The following R3HCC1L variants were observed in gnomAD, a reference collection of about 807,000 sequenced individuals.
R3HCC1L encodes the protein coiled-coil domain-containing protein R3HCC1L.
A neutral mutation model predicts 59.9 loss-of-function variants in R3HCC1L; 51 were observed. The observed-to-expected ratio is 0.85, with a 90% CI of 0.68 to 1.07. R3HCC1L has a LOEUF of 1.07. Among genes scored for constraint, R3HCC1L ranks in the 50% least tolerant of loss-of-function variants. The probability of loss-of-function intolerance (pLI) is 0.00; values close to 1 mark genes in which losing one functional copy is unlikely to be tolerated. For synonymous variants in R3HCC1L, 322 were observed against 315.2 expected (o/e 1.02, Z -0.23); for missense variants, 965 against 933.0 (o/e 1.03, Z -0.45).
intron 1 of R3HCC1L, among the ~76,000 whole-genome samples, chr10:98,147,073 A>G (rs1845728393): frequency 6.6e-6 from 1 of 152,110 alleles, no homozygotes; most frequent in Non-Finnish European, 1.5e-5. Flanking sequence ...AGCATCTGTT[A>G]TGCCCTGCCT....
chr10:98,158,769 C>A (rs762869876), intron 2 of R3HCC1L, among the ~76,000 whole-genome samples: 4 of 151,888 alleles, frequency 2.6e-5, no homozygotes, highest in Non-Finnish European at 5.9e-5. Context: ...TCTCTAGTTT[C>A]CTTTAATCTG....
At position 98,235,540 on chromosome 10, in the gene R3HCC1L, G is replaced by A. The variant is rs1391213925; in HGVS notation, c.2128+20G>A. 1.3e-6 allele frequency: 2 copies of A among 1,573,442 alleles called. No individual in the cohort carries two copies. Among genetic ancestry groups the A allele is most frequent in the Non-Finnish European group, 1.7e-6 (2 of 1,156,628 alleles). ...ATGCTGGTGAGTCTATAATCTCTGG[G>A]TTTTTTTCTTGCTGATGGTGGTATT... On this transcript the variant is annotated intron_variant, in intron 8 of 9. Transcript: ENST00000298999.
Position 98,217,404 on chromosome 10 carries a change from T to C in R3HCC1L, c.1785+7505T>C, listed in dbSNP as rs116829601. On this transcript the variant is annotated intron_variant, in intron 5 of 9. Transcript: ENST00000298999. ...TGTTTTTATACCAATACCATGCTGT[T>C]TTGGTTACTACAGCTTTACAGTATT... Among the ~76,000 whole-genome samples the C allele has an allele frequency of 5.3e-3, 810 of 152,284 alleles. 6 individuals carry two copies. The highest frequency in any genetic ancestry group is 0.017 in the African/African-American group (726 of 41,568).
intron 5 of R3HCC1L, among the ~76,000 whole-genome samples, chr10:98,227,038 A>G (rs1855745449): frequency 6.6e-6 from 1 of 152,196 alleles, no homozygotes; most frequent in Non-Finnish European, 1.5e-5. Context: ...TTACAGTGGG[A>G]AGAACATTCT....
intron 1 of R3HCC1L, among the ~76,000 whole-genome samples, chr10:98,135,475 TTTGAACTCTAAAGTATG>T (rs1017457678): frequency 2.0e-5 from 3 of 152,220 alleles, no homozygotes; most frequent in Non-Finnish European, 4.4e-5. Flanking sequence ...CTGCGAAAGC[TTTGAACTCTAAAGTATG>T]TTTCGGGTAT....
chr10:98,213,897 A>G (rs1853871224), intron 5 of R3HCC1L, among the ~76,000 whole-genome samples: 1 of 152,144 alleles, frequency 6.6e-6, no homozygotes, highest in Admixed American at 6.6e-5. Flanking sequence ...CTCACTTTCC[A>G]GATGCTGTAT....
intron 1 of R3HCC1L, among the ~76,000 whole-genome samples, chr10:98,146,994 A>T (rs1309586477): frequency 6.6e-6 from 1 of 152,186 alleles, no homozygotes; most frequent in Non-Finnish European, 1.5e-5. Context: ...ACTGTTCCCC[A>T]TAGTGGCTCT....
In R3HCC1L at chr10:98,163,963, G is replaced by A. The variant is rs144782201; in HGVS notation, c.-15+566G>A. ...AAATTTTTTTTTCAAGGAAGATTTA[G>A]TAAGTTGATATGACCTGCTGTTTTG... is the stretch of plus-strand genomic sequence containing the variant. On this transcript the variant is annotated intron_variant, in intron 4 of 9. Coordinates refer to ENST00000298999, the MANE Select transcript of R3HCC1L (RefSeq NM_001351015.2). Among the ~76,000 whole-genome samples, 4 of 152,198 alleles carry A rather than the reference G, an allele frequency of 2.6e-5. No individual in the cohort carries two copies. The East Asian group carries it at 7.7e-4, about 29-fold the overall frequency.
At chr10:98,160,835 T>C (rs1421012637) in intron 2 of R3HCC1L, among the ~76,000 whole-genome samples, 1 of 152,192 alleles carries the variant, frequency 6.6e-6, no homozygotes, top group Non-Finnish European at 1.5e-5. Flanking sequence ...TTCCACCAGT[T>C]ATCCTTCATG....
intron 4 of R3HCC1L, among the ~76,000 whole-genome samples, chr10:98,179,248 G>A (rs1416670206): frequency 4.6e-5 from 7 of 152,120 alleles, no homozygotes; most frequent in Non-Finnish European, 7.4e-5. Flanking sequence ...TCAATACCTA[G>A]TTTATTGAGA....
chr10:98,218,298 A>G (rs1191962979), intron 5 of R3HCC1L, among the ~76,000 whole-genome samples: 1 of 152,052 alleles, frequency 6.6e-6, no homozygotes, highest in Non-Finnish European at 1.5e-5. Flanking sequence ...CTGTTGATCT[A>G]ATGTATCACA....
intron 1 of R3HCC1L, among the ~76,000 whole-genome samples, chr10:98,146,688 C>T: frequency 6.6e-6 from 1 of 152,132 alleles, no homozygotes; most frequent in East Asian, 1.9e-4. Flanking sequence ...TTATTTTTAT[C>T]AGGGCAACCT....
intron 4 of R3HCC1L, among the ~76,000 whole-genome samples, chr10:98,192,282 C>T (rs1224285476): frequency 6.6e-6 from 1 of 151,466 alleles, no homozygotes; most frequent in Non-Finnish European, 1.5e-5. Context: ...AAAAAAAGGT[C>T]TTGGAAATAA....
Position 98,163,286 on chromosome 10 carries a change from T to G in R3HCC1L, c.-119-7T>G. On this transcript the variant is annotated splice_polypyrimidine_tract_variant and splice_region_variant and intron_variant, in intron 3 of 9. Transcript: ENST00000298999. The stretch of plus-strand genomic sequence containing the variant: ...TATAAAAATAACTTATTATTACTAT[T>G]TTTCAGGTGAGGCTGCTGTCAGAAA... The G allele has an allele frequency of 1.8e-6, 1 of 568,534 alleles. No homozygotes were observed. The highest frequency in any genetic ancestry group is 6.6e-5 in the South Asian group (1 of 15,106). 35.2% of individuals were successfully genotyped at this position (568,534 alleles called of 1,614,324 possible). A position where few individuals can be genotyped will look rare whatever the true frequency, so the allele number is the denominator to read the frequency against.
chr10:98,234,558 A>C (rs777044635), intron 7 of R3HCC1L, 42 bp downstream of exon 7: 2 of 1,552,578 alleles, frequency 1.3e-6, no homozygotes, highest in Non-Finnish European at 1.8e-6. Flanking sequence ...CTTATTGTTC[A>C]TTTTCTCATG....
chr10:98,224,101 G>T (rs1248815437), intron 5 of R3HCC1L, among the ~76,000 whole-genome samples: 4 of 152,090 alleles, frequency 2.6e-5, no homozygotes, highest in Non-Finnish European at 5.9e-5. Flanking sequence ...CAGTGTGCTT[G>T]GGTGCCGCTC....
intron 5 of R3HCC1L, among the ~76,000 whole-genome samples, chr10:98,219,895 G>C (rs2135437955): frequency 6.6e-6 from 1 of 152,246 alleles, no homozygotes; most frequent in South Asian, 2.1e-4. Flanking sequence ...GGGAATCTTT[G>C]AGCTTCCTAT....
At chr10:98,189,021 G>A (rs77088523) in intron 4 of R3HCC1L, among the ~76,000 whole-genome samples, 4,681 of 152,226 alleles carry the variant, frequency 0.031, 110 homozygotes, top group Non-Finnish European at 0.039. Context: ...GATCTGATAA[G>A]TGGCCAAAAT....
chr10:98,213,522 G>C (rs1853823842), intron 5 of R3HCC1L, among the ~76,000 whole-genome samples: 1 of 152,248 alleles, frequency 6.6e-6, no homozygotes, highest in South Asian at 2.1e-4. Flanking sequence ...GGATAGGACA[G>C]GGGAAAAAGA....
Sources: allele counts gnomAD v4.1 joint callset (sites outside exome capture counted in the v4.1 genomes callset), GRCh38; gene constraint gnomAD v4.1.1; transcripts MANE v1.5; gene names NCBI Gene and HGNC (gene_info 2026-07-23, HGNC 2026-07-21).